ANKH: variants seen among roughly 807,000 people sequenced by gnomAD.
The protein encoded by ANKH is mineralization regulator ANKH.
Under a neutral mutation model 49.0 loss-of-function variants are expected in ANKH, and 15 were observed. That is an observed-to-expected ratio of 0.31 (90% confidence interval 0.20 to 0.47). ANKH has a LOEUF of 0.47. Among genes scored for constraint, ANKH ranks in the 20% least tolerant of loss-of-function variants. ANKH has a pLI of 1.00. For missense variants in ANKH, 429 were observed against 652.0 expected (o/e 0.66, Z 3.72); for synonymous variants, 273 against 260.0 (o/e 1.05, Z -0.48).
At position 14,804,685 on chromosome 5, in the gene ANKH, T is replaced by C. The variant is rs114399577; in HGVS notation, c.97-35494A>G. Among the ~76,000 whole-genome samples, 518 of 152,340 alleles carry C rather than the reference T, an allele frequency of 3.4e-3. 2 individuals are homozygous for C. The highest frequency in any genetic ancestry group is 0.012 in the African/African-American group (498 of 41,578). Reference sequence around the variant, plus strand: ...TGACTTCTCTAATTAAGGTATACTCTTGCTAGGTTTACACCTAGAGTTGAG... The same window carrying C: ...TGACTTCTCTAATTAAGGTATACTCCTGCTAGGTTTACACCTAGAGTTGAG... On this transcript the variant is annotated intron_variant, in intron 1 of 11. Coordinates refer to ENST00000284268, the MANE Select transcript of ANKH (RefSeq NM_054027.6).
At chr5:14,746,066 A>G (rs1431713124) in intron 6 of ANKH, 104 bp from the exon 7 acceptor site, 4 of 862,556 alleles carry the variant, frequency 4.6e-6, no homozygotes, top group African/African-American at 1.6e-5. Flanking sequence ...GCCACTGAGG[A>G]CAGAGCCCGC....
intron 4 of ANKH, among the ~76,000 whole-genome samples, chr5:14,752,630 A>G (rs1738757177): frequency 1.3e-5 from 2 of 152,174 alleles, no homozygotes; most frequent in East Asian, 3.9e-4. Context: ...CCTGAGCTAC[A>G]TCAACCTTAA....
chr5:14,859,155 A>G (rs568213240), intron 1 of ANKH, among the ~76,000 whole-genome samples: 2 of 152,300 alleles, frequency 1.3e-5, no homozygotes, highest in East Asian at 1.9e-4. Context: ...ATGCCCATCA[A>G]ACAACAGCTC....
intron 1 of ANKH, among the ~76,000 whole-genome samples, chr5:14,784,852 T>TTC (rs1739922398): frequency 6.6e-6 from 1 of 152,170 alleles, no homozygotes; most frequent in South Asian, 2.1e-4. Context: ...AGTGAGGCCC[T>TTC]AGAAAAGGCA....
At chr5:14,769,384 T>C (rs1739354534) in intron 1 of ANKH, among the ~76,000 whole-genome samples, 193 bp from the exon 2 acceptor site, 1 of 152,192 alleles carries the variant, frequency 6.6e-6, no homozygotes, top group Admixed American at 6.5e-5. Flanking sequence ...TTGAGTTTCT[T>C]TTTGTGAAGG....
At chr5:14,852,192 G>A (rs768493151) in intron 1 of ANKH, among the ~76,000 whole-genome samples, 1 of 152,232 alleles carries the variant, frequency 6.6e-6, no homozygotes, top group Non-Finnish European at 1.5e-5. Context: ...CAAGGCAGGA[G>A]GATCACTTGA....
intron 1 of ANKH, among the ~76,000 whole-genome samples, chr5:14,773,109 G>C (rs1160273303): frequency 6.6e-6 from 1 of 152,208 alleles, no homozygotes; most frequent in African/African-American, 2.4e-5. Context: ...TTTGTTTCTA[G>C]AGAACTCCAT....
chr5:14,827,868 C>T (rs895196139), intron 1 of ANKH, among the ~76,000 whole-genome samples: 1 of 152,160 alleles, frequency 6.6e-6, no homozygotes, highest in African/African-American at 2.4e-5. Flanking sequence ...AGGGACAATG[C>T]CATAATCTGA....
chr5:14,739,835 G>C (rs1738299313), intron 8 of ANKH, among the ~76,000 whole-genome samples: 1 of 152,246 alleles, frequency 6.6e-6, no homozygotes, highest in South Asian at 2.1e-4. Flanking sequence ...TCTGACAAAG[G>C]GTTCTGAATC....
intron 1 of ANKH, among the ~76,000 whole-genome samples, chr5:14,818,460 G>A (rs1233556511): frequency 1.3e-5 from 2 of 151,816 alleles, no homozygotes; most frequent in Admixed American, 1.3e-4. Flanking sequence ...TGGCCAACAT[G>A]GTGAACCCCT....
chr5:14,784,496 C>A (rs1326500674), intron 1 of ANKH, among the ~76,000 whole-genome samples: 1 of 152,150 alleles, frequency 6.6e-6, no homozygotes, highest in Non-Finnish European at 1.5e-5. Flanking sequence ...TGCTTTATTA[C>A]CTACCCAGGC....
chr5:14,832,243 C>G (rs1357155800), intron 1 of ANKH, among the ~76,000 whole-genome samples: 5 of 152,042 alleles, frequency 3.3e-5, no homozygotes, highest in Admixed American at 2.6e-4. Flanking sequence ...AAAAACATAA[C>G]AAAAATACTT....
intron 1 of ANKH, among the ~76,000 whole-genome samples, chr5:14,804,468 C>T (rs564951968): frequency 3.3e-5 from 5 of 152,158 alleles, no homozygotes; most frequent in Middle Eastern, 3.2e-3. Context: ...TAGTGTTGAA[C>T]GGCAGAATGA....
At chr5:14,823,033 C>CAA (rs745381610) in intron 1 of ANKH, among the ~76,000 whole-genome samples, 9 of 116,530 alleles carry the variant, frequency 7.7e-5, no homozygotes, top group African/African-American at 2.8e-4. Context: ...GACTCCGTCT[C>CAA]AAAAAAAAAA....
intron 1 of ANKH, among the ~76,000 whole-genome samples, chr5:14,828,050 T>C (rs79455832): frequency 0.016 from 2,450 of 152,314 alleles, 65 homozygotes; most frequent in African/African-American, 0.056. Flanking sequence ...TTGCTTTGTT[T>C]CTAGGCTGCG....
At position 14,707,562 on chromosome 5, in the gene ANKH, C is replaced by T. The variant is rs1030378767; in HGVS notation, c.*3635G>A. On this transcript the variant is annotated 3_prime_UTR_variant, in exon 12 of 12. Transcript: ENST00000284268. ...GGAGTGAGCACTCCTGAGCTGGCCC[C>T]GCTGCGACGCATCCTGGCGTCTGGA... is the stretch of plus-strand genomic sequence containing the variant. 3 of 152,200 alleles carry T rather than the reference C, an allele frequency of 2.0e-5. No individual in the cohort carries two copies. Among genetic ancestry groups the T allele is most frequent in the Non-Finnish European group, 2.9e-5 (2 of 68,044 alleles). 9.4% of individuals were successfully genotyped at this position (152,200 alleles called of 1,614,324 possible). A position where few individuals can be genotyped will look rare whatever the true frequency, so the allele number is the denominator to read the frequency against.
intron 1 of ANKH, among the ~76,000 whole-genome samples, chr5:14,838,630 G>A (rs1219034509): frequency 6.6e-6 from 1 of 152,154 alleles, no homozygotes; most frequent in African/African-American, 2.4e-5. Context: ...AGAGGAGGCA[G>A]AGGATGGGAC....
chr5:14,783,175 T>TC (rs140733314), intron 1 of ANKH, among the ~76,000 whole-genome samples: 1,760 of 152,110 alleles, frequency 0.012, 40 homozygotes, highest in African/African-American at 0.041. Flanking sequence ...AACAAGTTAG[T>TC]CTGCTCAGCC....
intron 1 of ANKH, among the ~76,000 whole-genome samples, chr5:14,775,275 C>T (rs1739580836): frequency 6.6e-6 from 1 of 151,956 alleles, no homozygotes. Flanking sequence ...TGCTGTGTGG[C>T]CCAGGCTGGT....
Sources: allele counts gnomAD v4.1 joint callset (sites outside exome capture counted in the v4.1 genomes callset), GRCh38; gene constraint gnomAD v4.1.1; transcripts MANE v1.5; gene names NCBI Gene and HGNC (gene_info 2026-07-23, HGNC 2026-07-21).